The following DCUN1D5 variants were observed in gnomAD, a reference collection of about 807,000 sequenced individuals.
DCUN1D5 encodes defective in cullin neddylation 1 domain containing 5, also known as DCN1-like protein 5.
Under a neutral mutation model 38.3 loss-of-function variants are expected in DCUN1D5, and 10 were observed. The observed-to-expected ratio is 0.26, with a 90% CI of 0.16 to 0.44. DCUN1D5 has a LOEUF of 0.44. Among genes scored for constraint, DCUN1D5 ranks in the 20% least tolerant of loss-of-function variants. The pLI is 1.00. For missense variants in DCUN1D5, 148 were observed against 275.3 expected (o/e 0.54, Z 3.27); for synonymous variants, 93 against 90.9 (o/e 1.02, Z -0.13).
intron 2 of DCUN1D5, 51 bp downstream of exon 2, chr11:103,089,176 A>G (rs1591231508): frequency 6.4e-7 from 1 of 1,563,690 alleles, no homozygotes. Context: ...AATAAGGCAA[A>G]TAAACTTTTT....
In DCUN1D5 at chr11:103,062,917, T is replaced by C. The variant is rs764968787; in HGVS notation, c.659-503A>G. 6.6e-6 allele frequency among the ~76,000 whole-genome samples: 1 copy of C among 152,066 alleles called. No individual in the cohort carries two copies. The highest frequency in any genetic ancestry group is 1.5e-5 in the Non-Finnish European group (1 of 67,968). On this transcript the variant is annotated intron_variant, in intron 7 of 7. Coordinates refer to ENST00000260247, the MANE Select transcript of DCUN1D5 (RefSeq NM_032299.4). The surrounding 1 kb of genome is among the most constrained non-coding windows in gnomAD (Gnocchi z 4.6). ...GAGCTAAGTACTATTCTAAAACATA[T>C]ATTTTTATAACGTAGGGGAGGTCCA... is the stretch of plus-strand genomic sequence containing the variant.
Position 103,052,103 on chromosome 11 carries a change from T to G in DCUN1D5, c.*10256A>C, listed in dbSNP as rs1168873759. 6.6e-6 allele frequency: 1 copy of G among 152,210 alleles called. No homozygotes were observed. The highest frequency in any genetic ancestry group is 1.5e-5 in the Non-Finnish European group (1 of 68,030). 9.4% of individuals were successfully genotyped at this position (152,210 alleles called of 1,614,324 possible). On this transcript the variant is annotated 3_prime_UTR_variant, in exon 8 of 8. Transcript: ENST00000260247. ...CTATTTAGAAGACACTGTGCCCGGT[T>G]ATGTGAGACTGCTCCAGTACTACTT...
rs747790669 is a variant in DCUN1D5, at chr11:103,091,647, C to G, written c.86+140G>C. The G allele has an allele frequency of 6.6e-7, 1 of 1,519,832 alleles. No individual in the cohort carries two copies. The highest frequency in any genetic ancestry group is 1.4e-5 in the African/African-American group (1 of 72,916). 94.1% of individuals were successfully genotyped at this position (1,519,832 alleles called of 1,614,324 possible). On this transcript the variant is annotated intron_variant, in intron 1 of 7. Coordinates refer to ENST00000260247, the MANE Select transcript of DCUN1D5 (RefSeq NM_032299.4). The surrounding 1 kb of genome is among the most constrained non-coding windows in gnomAD (Gnocchi z 4.3). ...GTCGGGCGCGGAGACTCGCGGTGTT[C>G]GGCACCTACAGCCTAGCTCGATCAA... is the stretch of plus-strand genomic sequence containing the variant.
chr11:103,082,612 A>G (rs1489586120), intron 4 of DCUN1D5, 136 bp downstream of exon 4: 3 of 642,870 alleles, frequency 4.7e-6, no homozygotes, highest in Non-Finnish European at 8.0e-6. Context: ...AATTTTTTCA[A>G]TCCCCAAACT....
Position 103,060,242 on chromosome 11 carries a change from G to A in DCUN1D5, c.*2117C>T, listed in dbSNP as rs1861979916. On this transcript the variant is annotated 3_prime_UTR_variant, in exon 8 of 8. Coordinates refer to ENST00000260247, the MANE Select transcript of DCUN1D5 (RefSeq NM_032299.4). ...TCAGTGGTACTGGACTCCAAAGTAT[G>A]GCTAGGGTAGGATAGGACAGTTGAC... is the stretch of plus-strand genomic sequence containing the variant. 6.6e-6 allele frequency among the ~76,000 whole-genome samples: 1 copy of A among 152,054 alleles called. No homozygotes were observed. Among genetic ancestry groups the A allele is most frequent in the Non-Finnish European group, 1.5e-5 (1 of 68,002 alleles).
At chr11:103,082,937 T>A in intron 3 of DCUN1D5, 98 bp from the exon 4 acceptor site, 2 of 854,234 alleles carry the variant, frequency 2.3e-6, no homozygotes, top group Non-Finnish European at 1.9e-6. Context: ...ACTACTTCCA[T>A]CCTTCAACTA....
chr11:103,079,855 A>T (rs1248074597), intron 4 of DCUN1D5: 1 of 152,258 alleles, frequency 6.6e-6, no homozygotes, highest in African/African-American at 2.4e-5. Context: ...GATGAAAACT[A>T]CATGGAAGAA....
intron 4 of DCUN1D5, chr11:103,079,842 A>C (rs1355240773): frequency 1.3e-5 from 2 of 152,274 alleles, no homozygotes; most frequent in Non-Finnish European, 2.9e-5. Flanking sequence ...ATTATTAAAC[A>C]AAGATGAAAA....
In DCUN1D5 at chr11:103,054,616, T is replaced by TA. The variant is rs904189323; in HGVS notation, c.*7742dup. On this transcript the variant is annotated 3_prime_UTR_variant, in exon 8 of 8. Coordinates refer to ENST00000260247, the MANE Select transcript of DCUN1D5 (RefSeq NM_032299.4). ...CATCTTTGTAGCCACGCTCATATAA[T>TA]AATACCCAGCACATAGTTAATTATT... 9.9e-5 allele frequency: 15 copies of TA among 152,238 alleles called. No homozygotes were observed. The highest frequency in any genetic ancestry group is 3.4e-4 in the African/African-American group (14 of 41,552). The allele number at this position is 152,238 out of a possible 1,614,324, so 9.4% of individuals were successfully genotyped here.
chr11:103,088,875 A>G (rs535461926), intron 2 of DCUN1D5, among the ~76,000 whole-genome samples: 6 of 152,200 alleles, frequency 3.9e-5, no homozygotes, highest in Non-Finnish European at 7.3e-5. Flanking sequence ...TTTATTATGT[A>G]CTTTGTGTTT....
rs1332751834 is a variant in DCUN1D5, at chr11:103,054,379, C to G, written c.*7980G>C. 6.6e-6 allele frequency: 1 copy of G among 152,150 alleles called. No individual in the cohort carries two copies. The highest frequency in any genetic ancestry group is 1.5e-5 in the Non-Finnish European group (1 of 67,992). 9.4% of individuals were successfully genotyped at this position (152,150 alleles called of 1,614,324 possible). A position where few individuals can be genotyped will look rare whatever the true frequency, so the allele number is the denominator to read the frequency against. On this transcript the variant is annotated 3_prime_UTR_variant, in exon 8 of 8. Coordinates refer to ENST00000260247, the MANE Select transcript of DCUN1D5 (RefSeq NM_032299.4). ...AAGTTTTTTCAAAGGCCCCAATTCC[C>G]TGACCGTTTTCTTATTTTTCTCTCT...
chr11:103,083,276 T>C lies in DCUN1D5; in HGVS notation c.229A>G (p.Ile77Val), dbSNP rs1862613583. ...CATACATTTTCAGGTTCAACACCAA[T>C]GTCTTCACAAAATTTTTCCATTCCT... is the stretch of plus-strand genomic sequence containing the variant. ...PEGMEKFCED[I>V]GVEPENIIML... Residue 77 changes from isoleucine (I) to valine (V), a missense_variant, in exon 3 of 8, where the codon ATT (isoleucine) becomes GTT (valine). Coordinates refer to ENST00000260247, the MANE Select transcript of DCUN1D5 (RefSeq NM_032299.4). This position sits in a 1 kb window ranked among gnomAD's most constrained non-coding sequence, Gnocchi z 4.4. 7.5e-6 allele frequency: 12 copies of C among 1,598,740 alleles called. No individual in the cohort carries two copies. Among genetic ancestry groups the C allele is most frequent in the Non-Finnish European group, 1.0e-5 (12 of 1,166,522 alleles).
chr11:103,074,988 G>A (rs1862373587), intron 4 of DCUN1D5, among the ~76,000 whole-genome samples: 1 of 152,146 alleles, frequency 6.6e-6, no homozygotes, highest in African/African-American at 2.4e-5. Context: ...AAACAGGGGA[G>A]TCTTATTCTA....
In DCUN1D5 at chr11:103,077,406, GA is replaced by G. The variant is rs1489775448; in HGVS notation, c.341+5341del. Among the ~76,000 whole-genome samples, 4 of 152,108 alleles carry G rather than the reference GA, an allele frequency of 2.6e-5. No individual in the cohort carries two copies. The highest frequency in any genetic ancestry group is 4.4e-5 in the Non-Finnish European group (3 of 68,014). The stretch of plus-strand genomic sequence containing the variant: ...AAGAATATTTCCTCCGAAATAAAAA[GA>G]AATGCATACTTAACTAGCGTACTAT... On this transcript the variant is annotated intron_variant, in intron 4 of 7. Coordinates refer to ENST00000260247, the MANE Select transcript of DCUN1D5 (RefSeq NM_032299.4). The surrounding 1 kb of genome is among the most constrained non-coding windows in gnomAD (Gnocchi z 4.3).
intron 4 of DCUN1D5, among the ~76,000 whole-genome samples, chr11:103,076,103 T>C (rs949785703): frequency 2.6e-5 from 4 of 152,170 alleles, no homozygotes; most frequent in African/African-American, 9.7e-5. Context: ...ACTTAAGTGT[T>C]AAGGGGGCAA....
Position 103,091,417 on chromosome 11 carries a change from CACTT to C in DCUN1D5, c.86+366_86+369del, listed in dbSNP as rs1862861403. 1 of 240,896 alleles carries C rather than the reference CACTT, an allele frequency of 4.2e-6. No individual in the cohort carries two copies. Among genetic ancestry groups the C allele is most frequent in the Non-Finnish European group, 8.3e-6 (1 of 120,986 alleles). 14.9% of individuals were successfully genotyped at this position (240,896 alleles called of 1,614,324 possible). ...AGTGACCCTTCTGCGGATATGTACT[CACTT>C]CTAAGTCTAGAAAAAGGCAGAGGAG... On this transcript the variant is annotated intron_variant, in intron 1 of 7. Transcript: ENST00000260247. The surrounding 1 kb of genome is among the most constrained non-coding windows in gnomAD (Gnocchi z 4.3).
At position 103,061,460 on chromosome 11, in the gene DCUN1D5, C is replaced by T. The variant is rs909212231; in HGVS notation, c.*899G>A. ...TTGTGATAATTAGCAAGCTGCAATA[C>T]TACCAACGTAAATGGCTCTATTGAG... On this transcript the variant is annotated 3_prime_UTR_variant, in exon 8 of 8. Coordinates refer to ENST00000260247, the MANE Select transcript of DCUN1D5 (RefSeq NM_032299.4). 1.3e-5 allele frequency among the ~76,000 whole-genome samples: 2 copies of T among 152,044 alleles called. No homozygotes were observed. The highest frequency in any genetic ancestry group is 2.9e-5 in the Non-Finnish European group (2 of 67,974).
chr11:103,077,511 C>T lies in DCUN1D5; in HGVS notation c.341+5237G>A, dbSNP rs374671164. ...GAGGGAACACTGGCACAATACAATA[C>T]ACCATTCTCCAAGGCCACTGTAGTT... On this transcript the variant is annotated intron_variant, in intron 4 of 7. Transcript: ENST00000260247. This position sits in a 1 kb window ranked among gnomAD's most constrained non-coding sequence, Gnocchi z 4.3. Among the ~76,000 whole-genome samples the T allele has an allele frequency of 2.6e-4, 40 of 152,280 alleles. 1 individual carries two copies. The East Asian group carries it at 7.5e-3, about 29-fold the overall frequency.
At chr11:103,079,049 A>G (rs1862483675) in intron 4 of DCUN1D5, among the ~76,000 whole-genome samples, 1 of 152,204 alleles carries the variant, frequency 6.6e-6, no homozygotes, top group Non-Finnish European at 1.5e-5. Flanking sequence ...GCGGCAGGCG[A>G]GTGAGCCAGC....
Sources: gnomAD v4.1 joint callset for allele counts (sites outside exome capture counted in the v4.1 genomes callset) on GRCh38, gnomAD v4.1.1 for gene constraint, Gnocchi (gnomAD v3.1) non-coding constraint, MANE v1.5 for transcripts, NCBI Gene and HGNC (gene_info 2026-07-23, HGNC 2026-07-21) for gene names.